Variants in PIK3C2G observed in about 807,000 individuals in gnomAD.
PIK3C2G encodes phosphatidylinositol-4-phosphate 3-kinase catalytic subunit type 2 gamma, also known as phosphatidylinositol 3-kinase C2 domain-containing subunit gamma.
Under a neutral mutation model 181.1 loss-of-function variants are expected in PIK3C2G, and 168 were observed. The observed-to-expected ratio is 0.93, with a 90% CI of 0.82 to 1.05. The LOEUF (loss-of-function observed/expected upper bound fraction) is 1.05, where lower values mean the gene tolerates loss of function less well. Among genes scored for constraint, PIK3C2G ranks in the 50% least tolerant of loss-of-function variants. PIK3C2G has a pLI of 0.00. For missense variants in PIK3C2G, 1,869 were observed against 1,732.8 expected (o/e 1.08, Z -1.40); for synonymous variants, 573 against 592.2 (o/e 0.97, Z 0.47).
intron 18 of PIK3C2G, among the ~76,000 whole-genome samples, chr12:18,432,867 A>G (rs779642319): frequency 2.6e-5 from 4 of 152,198 alleles, no homozygotes; most frequent in Non-Finnish European, 4.4e-5. Context: ...CTCATGCCCA[A>G]TTCAGATTTC....
chr12:18,384,871 A>G (rs913707271), intron 14 of PIK3C2G, among the ~76,000 whole-genome samples: 4 of 152,232 alleles, frequency 2.6e-5, no homozygotes, highest in Non-Finnish European at 5.9e-5. Context: ...GACACATGAA[A>G]AGCCTCTCAG....
chr12:18,683,371 T>C, the PIK3C2G span: 1 of 1,576,694 alleles, frequency 6.3e-7, no homozygotes, highest in Non-Finnish European at 8.7e-7. Flanking sequence ...AATTAATCAG[T>C]GGTGTCTCCA....
downstream of PIK3C2G, among the ~76,000 whole-genome samples, chr12:18,650,704 G>GTA (rs1361372584): frequency 3.1e-4 from 18 of 57,780 alleles, no homozygotes; most frequent in East Asian, 4.5e-4. Flanking sequence ...GTGTGTGTGT[G>GTA]TATATATCTA....
intron 18 of PIK3C2G, among the ~76,000 whole-genome samples, chr12:18,487,431 T>C (rs1193555665): frequency 6.6e-6 from 1 of 152,120 alleles, no homozygotes; most frequent in Non-Finnish European, 1.5e-5. Context: ...AAAAATCCTT[T>C]TTTTTTAAGT....
intron 1 of PIK3C2G, among the ~76,000 whole-genome samples, chr12:18,255,058 G>A (rs4547161): frequency 0.44 from 66,357 of 150,764 alleles, 15,026 homozygotes; most frequent in East Asian, 0.75. Context: ...GTGAAACCCC[G>A]TCTGTACTAA....
chr12:18,620,796 G>C (rs1948826176), intron 31 of PIK3C2G, among the ~76,000 whole-genome samples: 1 of 151,812 alleles, frequency 6.6e-6, no homozygotes, highest in South Asian at 2.1e-4. Context: ...CATCATTCCA[G>C]TCCCTCTTAA....
intron 26 of PIK3C2G, among the ~76,000 whole-genome samples, chr12:18,552,559 C>T (rs562745625): frequency 6.6e-6 from 1 of 152,104 alleles, no homozygotes; most frequent in African/African-American, 2.4e-5. Flanking sequence ...TCAAGAAGTC[C>T]AGCTTTTCCT....
chr12:18,469,946 C>A (rs1938297435), intron 18 of PIK3C2G, among the ~76,000 whole-genome samples: 1 of 147,562 alleles, frequency 6.8e-6, no homozygotes, highest in Non-Finnish European at 1.5e-5. Flanking sequence ...GGTTTTATGG[C>A]TTTCTGAGAC....
intron 30 of PIK3C2G, among the ~76,000 whole-genome samples, chr12:18,603,916 T>G (rs994301417): frequency 1.3e-5 from 2 of 151,768 alleles, no homozygotes; most frequent in African/African-American, 4.8e-5. Flanking sequence ...AAAAAGAATC[T>G]CTTTAAAGCA....
chr12:18,525,930 G>A (rs1018039962), intron 24 of PIK3C2G, among the ~76,000 whole-genome samples: 1 of 152,074 alleles, frequency 6.6e-6, no homozygotes, highest in Non-Finnish European at 1.5e-5. Context: ...CACTCTATAA[G>A]TTTTATCCCA....
chr12:18,516,238 G>A (rs1942531248), intron 24 of PIK3C2G, among the ~76,000 whole-genome samples: 2 of 148,042 alleles, frequency 1.4e-5, no homozygotes, highest in Admixed American at 1.4e-4. Flanking sequence ...TAGCTTTGCT[G>A]AGTACTGTAT....
intron 18 of PIK3C2G, among the ~76,000 whole-genome samples, chr12:18,427,397 C>T (rs927532312): frequency 1.3e-5 from 2 of 150,166 alleles, no homozygotes; most frequent in Admixed American, 1.3e-4. Flanking sequence ...ATCTCAGCTA[C>T]TCAGGAGGCT....
At chr12:18,721,945 A>T in the PIK3C2G span, among the ~76,000 whole-genome samples, 6 of 152,152 alleles carry the variant, frequency 3.9e-5, no homozygotes, top group Admixed American at 3.9e-4. Flanking sequence ...GTGGCCTATA[A>T]GAACCTATAT....
rs963373642 is a variant in PIK3C2G, at chr12:18,543,362, T to A, written c.3481-2961T>A. Among the ~76,000 whole-genome samples, 3 of 152,140 alleles carry A rather than the reference T, an allele frequency of 2.0e-5. No individual in the cohort carries two copies. In the East Asian group the frequency reaches 5.8e-4, roughly 29 times the overall value. On this transcript the variant is annotated intron_variant, in intron 25 of 32. Coordinates refer to ENST00000538779, the MANE Select transcript of PIK3C2G (RefSeq NM_001288772.2). ...GGTTGCCCGTTTACTCCGTTGATAG[T>A]TTCTTTTGCTGTGCAGAAGCTCTTA...
At position 18,282,395 on chromosome 12, in the gene PIK3C2G, C is replaced by T. The variant is rs757216107; in HGVS notation, c.314C>T (p.Pro105Leu). 39 of 1,613,270 alleles carry T rather than the reference C, an allele frequency of 2.4e-5. No individual in the cohort carries two copies. The East Asian group carries it at 8.7e-4, about 36-fold the overall frequency. ...TCCTGGCATCAAGTTAGCAAAGCAC[C>T]AGCAATTGGTTTTAGTCCTTCTGTG... ...ELSWHQVSKA[P>L]AIGFSPSVLP... is the part of the protein sequence containing the mutation. The change falls in exon 2 of 33, where the codon CCA (proline) becomes CTA (leucine). Residue 105 changes from proline to leucine, a missense_variant. Coordinates refer to ENST00000538779, the MANE Select transcript of PIK3C2G (RefSeq NM_001288772.2).
intron 2 of PIK3C2G, among the ~76,000 whole-genome samples, chr12:18,283,976 G>C (rs1478654696): frequency 6.6e-6 from 1 of 152,098 alleles, no homozygotes; most frequent in African/African-American, 2.4e-5. Flanking sequence ...TTGAGCAGCA[G>C]TATCACTGAC....
chr12:18,356,821 C>G (rs537868110), intron 11 of PIK3C2G, among the ~76,000 whole-genome samples: 1 of 145,510 alleles, frequency 6.9e-6, no homozygotes, highest in South Asian at 2.2e-4. Flanking sequence ...TCTCTTCTTT[C>G]TTTCTCTGCT....
At chr12:18,326,059 G>A (rs1951334462) in intron 8 of PIK3C2G, among the ~76,000 whole-genome samples, 1 of 152,156 alleles carries the variant, frequency 6.6e-6, no homozygotes, top group East Asian at 1.9e-4. Context: ...CATAAGAAGT[G>A]AAAATGTGCA....
At chr12:18,488,282 A>C (rs897155829) in intron 18 of PIK3C2G, among the ~76,000 whole-genome samples, 167 bp from the exon 19 acceptor site, 4 of 152,086 alleles carry the variant, frequency 2.6e-5, no homozygotes, top group African/African-American at 9.7e-5. Context: ...ATCAGATGGA[A>C]CTTGATGACT....
Sources: allele counts gnomAD v4.1 joint callset (sites outside exome capture counted in the v4.1 genomes callset), GRCh38; gene constraint gnomAD v4.1.1; transcripts MANE v1.5; gene names NCBI Gene and HGNC (gene_info 2026-07-23, HGNC 2026-07-21).